DOCK7: variants seen among roughly 807,000 people sequenced by gnomAD.
The protein encoded by DOCK7 is dedicator of cytokinesis 7, also known as dedicator of cytokinesis protein 7.
Under a neutral mutation model 271.0 loss-of-function variants are expected in DOCK7, and 138 were observed. The ratio of observed to expected loss-of-function variants is 0.51; its 90% CI spans 0.44 to 0.59. The LOEUF (loss-of-function observed/expected upper bound fraction) is 0.59. Among genes scored for constraint, DOCK7 ranks in the 20% least tolerant of loss-of-function variants. DOCK7 has a pLI of 0.00. For synonymous variants in DOCK7, 823 were observed against 876.1 expected (o/e 0.94, Z 1.07); for missense variants, 2,066 against 2,592.4 (o/e 0.80, Z 4.41).
rs1292154414 is a variant in DOCK7, at chr1:62,578,915, A to G, written c.1923T>C (p.Thr641=). ...AAGTAAAAAGCAAGTGATGATGGTCAGTTAAAGTAGCAGGAAGCTTAACCT... is the reference window on the plus strand; with the variant it reads ...AAGTAAAAAGCAAGTGATGATGGTCGGTTAAAGTAGCAGGAAGCTTAACCT... ...EIKVKLPATL[T]DHHHLLFTFY... is the part of the protein sequence containing the mutation. Residue 641 remains threonine (T), a synonymous_variant, in exon 17 of 50, where the codon ACT becomes ACC. Transcript: ENST00000635253. The G allele has an allele frequency of 1.9e-6, 3 of 1,607,660 alleles. No individual in the cohort carries two copies. Among genetic ancestry groups the G allele is most frequent in the Admixed American group, 1.7e-5 (1 of 58,928 alleles).
chr1:62,554,690 G>GT (rs970776404), intron 21 of DOCK7, among the ~76,000 whole-genome samples: 2 of 152,034 alleles, frequency 1.3e-5, no homozygotes, highest in African/African-American at 4.8e-5. Context: ...AGGTCAGCAT[G>GT]TAAAAAAAAG....
chr1:62,471,043 T>C (rs375862115), intron 48 of DOCK7, among the ~76,000 whole-genome samples: 1 of 152,342 alleles, frequency 6.6e-6, no homozygotes, highest in East Asian at 1.9e-4. Flanking sequence ...CCCTTTATGA[T>C]GATCCACTTC....
chr1:62,622,847 A>G (rs1401642116), intron 12 of DOCK7, among the ~76,000 whole-genome samples: 1 of 151,966 alleles, frequency 6.6e-6, no homozygotes, highest in Non-Finnish European at 1.5e-5. Flanking sequence ...GGAGAATGGC[A>G]TGAACCCAGG....
chr1:62,501,683 T>C (rs1329560507), intron 37 of DOCK7, among the ~76,000 whole-genome samples: 2 of 152,126 alleles, frequency 1.3e-5, no homozygotes, highest in South Asian at 2.1e-4. Flanking sequence ...TACATCCCTA[T>C]GATATTTTAA....
chr1:62,490,050 A>G (rs1646413961), intron 41 of DOCK7, among the ~76,000 whole-genome samples: 2 of 137,042 alleles, frequency 1.5e-5, no homozygotes, highest in Non-Finnish European at 3.1e-5. Flanking sequence ...TTGGTCTTCT[A>G]TCCCTTATCC....
At chr1:62,459,806 A>G (rs908779898) in intron 48 of DOCK7, among the ~76,000 whole-genome samples, 1 of 152,128 alleles carries the variant, frequency 6.6e-6, no homozygotes, top group Non-Finnish European at 1.5e-5. Flanking sequence ...AGTATATAAA[A>G]AAATGCTTCC....
intron 1 of DOCK7, among the ~76,000 whole-genome samples, chr1:62,674,670 A>AT (rs1177359603): frequency 6.6e-6 from 1 of 152,036 alleles, no homozygotes; most frequent in Non-Finnish European, 1.5e-5. Context: ...TGATCAACTG[A>AT]TTTTTTTTGA....
At chr1:62,481,913 T>G (rs1043361015) in intron 43 of DOCK7, 1 of 152,206 alleles carries the variant, frequency 6.6e-6, no homozygotes, top group African/African-American at 2.4e-5. Context: ...AATGCTTCCT[T>G]TAAGTTAACT....
At chr1:62,497,206 C>A (rs999959829) in intron 37 of DOCK7, among the ~76,000 whole-genome samples, 1 of 152,124 alleles carries the variant, frequency 6.6e-6, no homozygotes, top group Non-Finnish European at 1.5e-5. Context: ...TTTTTCGACT[C>A]TTTTTCTATT....
chr1:62,642,505 AC>A (rs1656161403), intron 7 of DOCK7, among the ~76,000 whole-genome samples: 1 of 152,210 alleles, frequency 6.6e-6, no homozygotes, highest in East Asian at 1.9e-4. Flanking sequence ...CCTATAATTT[AC>A]ATTTCTATTT....
chr1:62,588,413 G>A (rs1320145124), intron 14 of DOCK7, among the ~76,000 whole-genome samples: 2 of 152,130 alleles, frequency 1.3e-5, no homozygotes, highest in Non-Finnish European at 2.9e-5. Flanking sequence ...AGCTGTCTGT[G>A]GGGAAGTCTT....
At position 62,537,929 on chromosome 1, in the gene DOCK7, C is replaced by T; in HGVS notation, c.3433G>A (p.Ala1145Thr). The change falls in exon 28 of 50, where the codon GCA becomes ACA. Residue 1145 changes from alanine (A) to threonine (T), a missense_variant. Physicochemically the swap from Ala to Thr is moderately conservative, Grantham distance 58. Coordinates refer to ENST00000635253, the MANE Select transcript of DOCK7 (RefSeq NM_001367561.1). ...NLPCSLLTPP[A>T]SPSPSVSSAT... is the part of the protein sequence containing the mutation. Reference sequence around the variant, plus strand: ...GAAGAAACAGAAGGTGATGGAGATGCAGGTGGAGTAAGTAAGCTGCAGGGT... The same window carrying T: ...GAAGAAACAGAAGGTGATGGAGATGTAGGTGGAGTAAGTAAGCTGCAGGGT... The T allele has an allele frequency of 6.2e-7, 1 of 1,613,750 alleles. No homozygotes were observed. The highest frequency in any genetic ancestry group is 8.5e-7 in the Non-Finnish European group (1 of 1,179,802).
At chr1:62,679,138 T>C (rs957303076) in intron 1 of DOCK7, among the ~76,000 whole-genome samples, 1 of 152,118 alleles carries the variant, frequency 6.6e-6, no homozygotes, top group South Asian at 2.1e-4. Flanking sequence ...CATACACATA[T>C]CAAGACAAGG....
intron 7 of DOCK7, among the ~76,000 whole-genome samples, chr1:62,640,330 G>A (rs1410930191): frequency 2.0e-5 from 3 of 151,990 alleles, no homozygotes; most frequent in Non-Finnish European, 4.4e-5. Context: ...TGGCCAACAT[G>A]GCCAACATGG....
chr1:62,631,603 C>T (rs1345544067), intron 10 of DOCK7, among the ~76,000 whole-genome samples, 198 bp from the exon 11 acceptor site: 4 of 152,110 alleles, frequency 2.6e-5, no homozygotes, highest in East Asian at 3.9e-4. Context: ...TACAAATGTA[C>T]GTACAGAGCA....
chr1:62,618,526 A>G lies in DOCK7; in HGVS notation c.1682+180T>C, dbSNP rs550275078. Among the ~76,000 whole-genome samples, 6 of 152,358 alleles carry G rather than the reference A, an allele frequency of 3.9e-5. No homozygotes were observed. In the East Asian group the frequency reaches 1.2e-3, roughly 29 times the overall value. On this transcript the variant is annotated intron_variant, in intron 14 of 49. Transcript: ENST00000635253. The stretch of plus-strand genomic sequence containing the variant: ...AGATAAAGCATGTAAGGTAATTAAC[A>G]TTATACCTGACACACAGAAAGCCTT...
rs111463668 is a variant in DOCK7, at chr1:62,540,169, A to AT, written c.3046-278dup. On this transcript the variant is annotated intron_variant, in intron 25 of 49. Coordinates refer to ENST00000635253, the MANE Select transcript of DOCK7 (RefSeq NM_001367561.1). Reference sequence around the variant, plus strand: ...AACAAAAAAAAATTTCAACCTTTAAATTTTTTTTTTTTTTCCAATAAAAAA... The same window carrying AT: ...AACAAAAAAAAATTTCAACCTTTAAATTTTTTTTTTTTTTTCCAATAAAAAA... 3.8e-3 allele frequency among the ~76,000 whole-genome samples: 549 copies of AT among 145,172 alleles called. 3 individuals carry two copies. Among genetic ancestry groups the AT allele is most frequent in the Admixed American group, 0.01 (146 of 14,446 alleles).
In DOCK7 at chr1:62,492,853, G is replaced by GAA; in HGVS notation, c.5218-8_5218-7dup. 1 of 1,599,670 alleles carries GAA rather than the reference G, an allele frequency of 6.3e-7. No homozygotes were observed. Among genetic ancestry groups the GAA allele is most frequent in the Non-Finnish European group, 8.5e-7 (1 of 1,175,376 alleles). ...AAAACATTAGATGAAATATTCTAGG[G>GAA]AAAAAATATATTGAAAAGGTTTTTG... On this transcript the variant is annotated splice_region_variant and splice_polypyrimidine_tract_variant and intron_variant, in intron 40 of 49. Coordinates refer to ENST00000635253, the MANE Select transcript of DOCK7 (RefSeq NM_001367561.1).
rs1227608019 is a variant in DOCK7, at chr1:62,475,283, T to G, written c.6030A>C (p.Ala2010=). 1.2e-6 allele frequency: 2 copies of G among 1,614,074 alleles called. No individual in the cohort carries two copies. The highest frequency in any genetic ancestry group is 1.1e-5 in the South Asian group (1 of 91,080). Residue 2010 remains alanine (A), a synonymous_variant, in exon 47 of 50, where the codon GCA becomes GCC. Transcript: ENST00000635253. ...TGGGGTCTGCGGGATCCTGATGTGT[T>G]GCAAATGCCAACTCCTGTGTCTTTT... The part of the protein sequence containing the change: ...MQKKTQELAF[A]THQDPADPKM...
Sources: allele counts gnomAD v4.1 joint callset (sites outside exome capture counted in the v4.1 genomes callset), GRCh38; gene constraint gnomAD v4.1.1; transcripts MANE v1.5; gene names NCBI Gene and HGNC (gene_info 2026-07-23, HGNC 2026-07-21).